CARF: variants seen among roughly 807,000 people sequenced by gnomAD.
CARF encodes calcium responsive transcription factor.
A neutral mutation model predicts 82.0 loss-of-function variants in CARF; 57 were observed. That is an observed-to-expected ratio of 0.70 (90% CI 0.56 to 0.87). The LOEUF is 0.87. Among genes scored for constraint, CARF ranks in the 40% least tolerant of loss-of-function variants. The pLI, the probability that CARF is intolerant of heterozygous loss-of-function variation, is 0.00. For synonymous variants in CARF, 268 were observed against 290.1 expected, an observed-to-expected ratio of 0.92 and a Z score of 0.77; for missense variants, 771 against 855.8, an observed-to-expected ratio of 0.90 and a Z score of 1.24.
intron 3 of CARF, among the ~76,000 whole-genome samples, chr2:202,931,744 A>C (rs1177535025): frequency 6.9e-6 from 1 of 145,298 alleles, no homozygotes; most frequent in Non-Finnish European, 1.5e-5. Flanking sequence ...CTGGGTGCTC[A>C]TTCTAATTTT....
At chr2:202,915,967 C>T (rs1247923715) in intron 1 of CARF, among the ~76,000 whole-genome samples, 2 of 151,844 alleles carry the variant, frequency 1.3e-5, no homozygotes, top group East Asian at 1.9e-4. Flanking sequence ...TTTAAAAGTT[C>T]GATGTTTAAC....
rs551381935 is a variant in CARF, at chr2:202,971,464, A to G, written c.1098-41A>G. The G allele has an allele frequency of 8.3e-6, 10 of 1,198,812 alleles. No individual in the cohort carries two copies. The Middle Eastern group carries it at 6.1e-4, about 73-fold the overall frequency. 74.3% of individuals were successfully genotyped at this position (1,198,812 alleles called of 1,614,324 possible). On this transcript the variant is annotated intron_variant, in intron 11 of 16. Coordinates refer to ENST00000438828, the MANE Select transcript of CARF (RefSeq NM_024744.17). ...GGTCTAATAATATTAAATAATTTTA[A>G]TGTTTAAATTTTAGTAATTTTAAAT...
chr2:202,925,593 G>C (rs185796783), intron 3 of CARF: 1 of 243,246 alleles, frequency 4.1e-6, no homozygotes, highest in African/African-American at 2.3e-5. Context: ...CAGAACATCA[G>C]CTTGCTTCAG....
rs192343005 is a variant in CARF, at chr2:202,986,898, A to G, written c.*3274A>G. 4.3e-5 allele frequency: 6 copies of G among 138,660 alleles called. No individual in the cohort carries two copies. The highest frequency in any genetic ancestry group is 2.3e-4 in the South Asian group (1 of 4,320). 8.6% of individuals were successfully genotyped at this position (138,660 alleles called of 1,614,324 possible). ...TATATATATATATATATATATATAT[A>G]TATATATATAGCAACTTGATGTATA... On this transcript the variant is annotated 3_prime_UTR_variant, in exon 17 of 17. Transcript: ENST00000438828.
intron 3 of CARF, among the ~76,000 whole-genome samples, chr2:202,932,575 G>T (rs1426844578): frequency 6.6e-6 from 1 of 152,022 alleles, no homozygotes; most frequent in African/African-American, 2.4e-5. Flanking sequence ...AGTCCCAGGG[G>T]GATGAAGCAC....
chr2:202,941,318 G>A (rs779705377), intron 3 of CARF, among the ~76,000 whole-genome samples: 7 of 152,062 alleles, frequency 4.6e-5, no homozygotes, highest in Non-Finnish European at 7.4e-5. Flanking sequence ...GTGGCTCGGA[G>A]TTATTGGTAT....
chr2:202,976,203 C>G (rs1354741265), intron 13 of CARF, among the ~76,000 whole-genome samples: 1 of 150,582 alleles, frequency 6.6e-6, no homozygotes, highest in Non-Finnish European at 1.5e-5. Context: ...GAGACAGTCT[C>G]TCTCTCTCTT....
At chr2:202,913,356 C>T (rs1462560456) in intron 1 of CARF, among the ~76,000 whole-genome samples, 1 of 152,174 alleles carries the variant, frequency 6.6e-6, no homozygotes, top group Non-Finnish European at 1.5e-5. Context: ...CAAATCCTGC[C>T]TCTGCTACTT....
intron 1 of CARF, among the ~76,000 whole-genome samples, chr2:202,917,006 C>T (rs1408909353): frequency 6.6e-6 from 1 of 151,832 alleles, no homozygotes; most frequent in African/African-American, 2.4e-5. Flanking sequence ...GTCAGGAGAT[C>T]GAGACCATCC....
chr2:202,980,460 G>A (rs115997715), intron 14 of CARF, among the ~76,000 whole-genome samples: 14 of 150,028 alleles, frequency 9.3e-5, no homozygotes, highest in African/African-American at 3.4e-4. Flanking sequence ...ATTTTTCCAG[G>A]TATTGTCCTA....
chr2:202,976,410 G>A (rs562930270), intron 13 of CARF, among the ~76,000 whole-genome samples: 4 of 152,154 alleles, frequency 2.6e-5, no homozygotes, highest in East Asian at 3.9e-4. Context: ...CTGACCTCAC[G>A]TGATCTGCCC....
At chr2:202,913,630 T>C (rs1232552523) in intron 1 of CARF, among the ~76,000 whole-genome samples, 1 of 152,232 alleles carries the variant, frequency 6.6e-6, no homozygotes, top group Non-Finnish European at 1.5e-5. Flanking sequence ...ATGTGGTTAT[T>C]GTAGTGGTGA....
chr2:202,948,974 G>C (rs1481805995), intron 5 of CARF, among the ~76,000 whole-genome samples: 2 of 151,976 alleles, frequency 1.3e-5, no homozygotes, highest in African/African-American at 2.4e-5. Context: ...TATGATGTTG[G>C]CTGTGGGTTT....
intron 2 of CARF, among the ~76,000 whole-genome samples, chr2:202,923,172 C>G (rs1392432572): frequency 6.6e-6 from 1 of 151,946 alleles, no homozygotes; most frequent in African/African-American, 2.4e-5. Flanking sequence ...ACCTGGGAGG[C>G]AGAGGTTGCC....
intron 2 of CARF, among the ~76,000 whole-genome samples, chr2:202,920,325 T>C (rs940950227): frequency 2.0e-5 from 3 of 152,042 alleles, no homozygotes; most frequent in African/African-American, 7.2e-5. Context: ...GCTAATGTTT[T>C]TTTGTATTTT....
At chr2:202,936,015 G>A (rs1693875026) in intron 3 of CARF, among the ~76,000 whole-genome samples, 1 of 151,748 alleles carries the variant, frequency 6.6e-6, no homozygotes, top group South Asian at 2.1e-4. Flanking sequence ...GTAGAAATGG[G>A]ATCTCAGGCT....
chr2:202,934,374 T>C (rs995035529), intron 3 of CARF: 2 of 152,210 alleles, frequency 1.3e-5, no homozygotes, highest in Non-Finnish European at 2.9e-5. Flanking sequence ...GAGATAATTA[T>C]CATGAGGTCT....
At chr2:202,930,057 T>C (rs908930592) in intron 3 of CARF, among the ~76,000 whole-genome samples, 22 of 152,160 alleles carry the variant, frequency 1.4e-4, no homozygotes, top group Admixed American at 1.4e-3. Context: ...TTTTGTTTTG[T>C]TTTGTTTTGA....
chr2:202,932,710 G>C (rs1377036755), intron 3 of CARF, among the ~76,000 whole-genome samples: 1 of 152,100 alleles, frequency 6.6e-6, no homozygotes, highest in African/African-American at 2.4e-5. Flanking sequence ...CTGTTGTTTA[G>C]GCCCTGGGGG....
Sources: allele counts gnomAD v4.1 joint callset (sites outside exome capture counted in the v4.1 genomes callset), GRCh38; gene constraint gnomAD v4.1.1; transcripts MANE v1.5; gene names NCBI Gene and HGNC (gene_info 2026-07-23, HGNC 2026-07-21).